Variants in ERBIN observed in about 807,000 individuals in gnomAD.
The protein encoded by ERBIN is erbb2 interacting protein.
In ERBIN, 60 loss-of-function variants were observed where a neutral mutation model predicts 158.4. That is an observed-to-expected ratio of 0.38 (90% CI 0.31 to 0.47). The LOEUF (loss-of-function observed/expected upper bound fraction) is 0.47. Ranked by LOEUF, ERBIN falls within the 20% of genes least tolerant of loss-of-function variation. The pLI is 0.99. For missense variants in ERBIN, 1,610 were observed against 1,648.0 expected, an observed-to-expected ratio of 0.98 and a Z score of 0.40; for synonymous variants, 594 against 557.2, an observed-to-expected ratio of 1.07 and a Z score of -0.93.
At chr5:66,010,364 C>CT in intron 4 of ERBIN, among the ~76,000 whole-genome samples, 1 of 151,992 alleles carries the variant, frequency 6.6e-6, no homozygotes, top group Non-Finnish European at 1.5e-5. Flanking sequence ...ATGATGTTAA[C>CT]TGATGATGCC....
chr5:66,066,497 C>G (rs1172894879), intron 21 of ERBIN, among the ~76,000 whole-genome samples: 4 of 147,884 alleles, frequency 2.7e-5, no homozygotes, highest in Non-Finnish European at 5.9e-5. Context: ...AATAGTCACC[C>G]CTCTTAACCT....
At chr5:66,016,921 C>CT (rs900158254) in intron 7 of ERBIN, among the ~76,000 whole-genome samples, 6 of 151,892 alleles carry the variant, frequency 4.0e-5, no homozygotes, top group African/African-American at 9.7e-5. Context: ...GGCTTGGGAT[C>CT]TTTTTTTAGC....
chr5:65,977,118 C>T lies in ERBIN; in HGVS notation c.-57-11517C>T, dbSNP rs867230552. On this transcript the variant is annotated intron_variant, in intron 1 of 25. Coordinates refer to ENST00000284037, the MANE Select transcript of ERBIN (RefSeq NM_001253697.2). Reference sequence around the variant, plus strand: ...CCGGGCAGAGGCGCCCCTCACCTCCCGGACGGGGCGGCTGGCCGGGCGGGG... The same window carrying T: ...CCGGGCAGAGGCGCCCCTCACCTCCTGGACGGGGCGGCTGGCCGGGCGGGG... Among the ~76,000 whole-genome samples the T allele has an allele frequency of 5.5e-3, 814 of 148,452 alleles. 8 individuals carry two copies. The highest frequency in any genetic ancestry group is 0.019 in the African/African-American group (773 of 40,118).
intron 3 of ERBIN, among the ~76,000 whole-genome samples, chr5:65,993,966 T>A (rs1255653362): frequency 1.3e-5 from 2 of 152,200 alleles, no homozygotes. Context: ...CATTGTTTTA[T>A]GAAAATATTT....
At chr5:66,059,289 C>T (rs1759978048) in intron 21 of ERBIN, among the ~76,000 whole-genome samples, 1 of 152,128 alleles carries the variant, frequency 6.6e-6, no homozygotes, top group African/African-American at 2.4e-5. Context: ...GTTTTATTCT[C>T]TTTGAAGCAA....
chr5:65,956,470 A>G (rs1384520804), intron 1 of ERBIN, among the ~76,000 whole-genome samples: 1 of 146,302 alleles, frequency 6.8e-6, no homozygotes, highest in African/African-American at 2.5e-5. Flanking sequence ...TTTGCCTCTC[A>G]GGCTCAAGCG....
chr5:65,980,422 C>T (rs188061938), intron 1 of ERBIN, among the ~76,000 whole-genome samples: 155 of 151,612 alleles, frequency 1.0e-3, no homozygotes, highest in Non-Finnish European at 1.5e-3. Flanking sequence ...AGCAAGACTC[C>T]GTCTCAAAAA....
chr5:66,003,189 A>G (rs967362838), intron 4 of ERBIN, among the ~76,000 whole-genome samples: 1 of 152,208 alleles, frequency 6.6e-6, no homozygotes, highest in Non-Finnish European at 1.5e-5. Flanking sequence ...GTGCAGGAAC[A>G]GTAAGGGACT....
chr5:65,963,611 A>G (rs1748173157), intron 1 of ERBIN, among the ~76,000 whole-genome samples: 1 of 152,088 alleles, frequency 6.6e-6, no homozygotes, highest in South Asian at 2.1e-4. Context: ...AAACAAAACA[A>G]AAACCAACAA....
At chr5:65,952,162 C>T (rs1177016039) in intron 1 of ERBIN, among the ~76,000 whole-genome samples, 2 of 152,040 alleles carry the variant, frequency 1.3e-5, no homozygotes, top group Non-Finnish European at 2.9e-5. Flanking sequence ...ATTTTTATAT[C>T]TGTTATATTT....
chr5:66,043,016 G>A, intron 15 of ERBIN, 61 bp from the exon 16 acceptor site: 3 of 1,268,812 alleles, frequency 2.4e-6, no homozygotes, highest in South Asian at 2.6e-5. Context: ...TTATGAGCAA[G>A]TGATAGTTTT....
chr5:66,060,377 G>T (rs1437730723), intron 21 of ERBIN, among the ~76,000 whole-genome samples: 1 of 152,160 alleles, frequency 6.6e-6, no homozygotes, highest in African/African-American at 2.4e-5. Flanking sequence ...TGTGGGATTG[G>T]TGGTGATATG....
Position 66,053,958 on chromosome 5 carries a change from G to A in ERBIN, c.2640G>A (p.Gly880=), listed in dbSNP as rs959217656. 2 of 1,614,088 alleles carry A rather than the reference G, an allele frequency of 1.2e-6. No homozygotes were observed. The highest frequency in any genetic ancestry group is 1.7e-6 in the Non-Finnish European group (2 of 1,180,014). Residue 880 remains glycine (G), a synonymous_variant, in exon 21 of 26, where the codon GGG becomes GGA. Transcript: ENST00000284037. ...GCATAACTAATATGGAGATTGGAGG[G>A]CTAAAAATCTATGATATTCTTAGTG... ...SHSITNMEIG[G]LKIYDILSDN...
chr5:66,078,397 T>C, intron 25 of ERBIN, 26 bp from the exon 26 acceptor site: 1 of 1,383,446 alleles, frequency 7.2e-7, no homozygotes, highest in East Asian at 2.4e-5. Flanking sequence ...AAAATGTTTT[T>C]CCTAAAAGCA....
chr5:66,038,840 C>T (rs1456875966), intron 15 of ERBIN, among the ~76,000 whole-genome samples: 1 of 152,028 alleles, frequency 6.6e-6, no homozygotes, highest in Non-Finnish European at 1.5e-5. Context: ...CTTGGATCTA[C>T]ACACTGGATC....
chr5:66,021,204 C>T, intron 7 of ERBIN, 118 bp from the exon 8 acceptor site: 1 of 501,734 alleles, frequency 2.0e-6, no homozygotes, highest in African/African-American at 2.0e-5. Context: ...TTTATTTTGT[C>T]AACATGTGAA....
At chr5:65,958,380 A>G (rs1747502264) in intron 1 of ERBIN, among the ~76,000 whole-genome samples, 1 of 152,232 alleles carries the variant, frequency 6.6e-6, no homozygotes, top group Non-Finnish European at 1.5e-5. Flanking sequence ...GCACCTCGGG[A>G]GGCGGAGGCT....
At chr5:66,073,531 T>TAG (rs1761712220) in intron 22 of ERBIN, among the ~76,000 whole-genome samples, 1 of 152,168 alleles carries the variant, frequency 6.6e-6, no homozygotes, top group African/African-American at 2.4e-5. Context: ...ACTTCAGAAT[T>TAG]TAACTAAGTT....
chr5:66,034,680 A>G (rs1465373432), intron 14 of ERBIN, among the ~76,000 whole-genome samples: 1 of 151,722 alleles, frequency 6.6e-6, no homozygotes, highest in Admixed American at 6.6e-5. Flanking sequence ...GGTAACATGT[A>G]GAGCCTAGTT....
Sources: allele counts gnomAD v4.1 joint callset (sites outside exome capture counted in the v4.1 genomes callset), GRCh38; gene constraint gnomAD v4.1.1; transcripts MANE v1.5; gene names NCBI Gene and HGNC (gene_info 2026-07-23, HGNC 2026-07-21).